The following IP6K1 variants were observed in gnomAD, a reference collection of about 807,000 sequenced individuals.
The protein encoded by IP6K1 is ATP:1D-myo-inositol-hexakisphosphate phosphotransferase.
IP6K1 carries 13 observed loss-of-function variants against 38.3 expected under a neutral mutation model. The ratio of observed to expected loss-of-function variants is 0.34; its 90% CI spans 0.22 to 0.54. IP6K1 has a LOEUF of 0.54. IP6K1 is among the 20% of genes least tolerant of loss of function. The probability of loss-of-function intolerance (pLI) is 0.92; values close to 1 mark genes in which losing one functional copy is unlikely to be tolerated. For missense variants in IP6K1, 397 were observed against 599.8 expected (o/e 0.66, Z 3.53); for synonymous variants, 212 against 229.9 (o/e 0.92, Z 0.70).
chr3:49,779,679 C>T (rs2081048642), intron 1 of IP6K1, among the ~76,000 whole-genome samples: 1 of 151,948 alleles, frequency 6.6e-6, no homozygotes, highest in Non-Finnish European at 1.5e-5. Flanking sequence ...AATCATAATA[C>T]ACCCAAATTT....
chr3:49,780,306 T>TCTCACACACACACACACACA (rs2081053531), intron 1 of IP6K1, among the ~76,000 whole-genome samples: 1 of 10,852 alleles, frequency 9.2e-5, no homozygotes. Context: ...TTATCATCTT[T>TCTCACACACACACACACACA]CATACACACA....
intron 3 of IP6K1, among the ~76,000 whole-genome samples, chr3:49,736,770 ATT>A (rs71080546): frequency 2.0e-3 from 216 of 108,772 alleles, no homozygotes; most frequent in Middle Eastern, 4.9e-3. Flanking sequence ...TTTGGATTTA[ATT>A]TTTTTTTTTT....
At chr3:49,758,066 T>C (rs2080839509) in intron 1 of IP6K1, among the ~76,000 whole-genome samples, 1 of 152,044 alleles carries the variant, frequency 6.6e-6, no homozygotes, top group East Asian at 1.9e-4. Context: ...TCCCAGCACT[T>C]TGGGAGGCCG....
chr3:49,751,012 G>C (rs1368221552), intron 1 of IP6K1, among the ~76,000 whole-genome samples: 3 of 152,174 alleles, frequency 2.0e-5, no homozygotes, highest in Non-Finnish European at 4.4e-5. Flanking sequence ...ACAAGGTGTG[G>C]ATGGAGCCTC....
At chr3:49,755,666 T>A (rs898351999) in intron 1 of IP6K1, among the ~76,000 whole-genome samples, 2 of 152,188 alleles carry the variant, frequency 1.3e-5, no homozygotes, top group African/African-American at 4.8e-5. Context: ...GCTATACAGC[T>A]CTGGATTTTA....
chr3:49,754,760 G>T (rs1015333305), intron 1 of IP6K1, among the ~76,000 whole-genome samples: 2 of 152,092 alleles, frequency 1.3e-5, no homozygotes. Flanking sequence ...TACAGCAATT[G>T]CAAGACAATA....
At chr3:49,783,438 T>A (rs551776759) in intron 1 of IP6K1, among the ~76,000 whole-genome samples, 1 of 150,846 alleles carries the variant, frequency 6.6e-6, no homozygotes, top group South Asian at 2.1e-4. Context: ...TTTTGCTGGG[T>A]GCAGTAGCTC....
chr3:49,727,276 G>A lies in IP6K1; in HGVS notation c.1172C>T (p.Pro391Leu). The A allele has an allele frequency of 6.2e-7, 1 of 1,614,152 alleles. No individual in the cohort carries two copies. Among genetic ancestry groups the A allele is most frequent in the Non-Finnish European group, 8.5e-7 (1 of 1,180,040 alleles). ...TSPEAGPSSQ[P>L]KVDVRMIDFA... The stretch of plus-strand genomic sequence containing the variant: ...GTCAATCATGCGGACATCCACCTTG[G>A]GCTGAGAGGAGGGACCCGCCTCGGG... Residue 391 changes from proline (P) to leucine (L), a missense_variant, in exon 6 of 6, where the codon CCC becomes CTC. Physicochemically the swap from Pro to Leu is moderately conservative, Grantham distance 98. Coordinates refer to ENST00000321599, the MANE Select transcript of IP6K1 (RefSeq NM_153273.4). The surrounding 1 kb of genome is among the most constrained non-coding windows in gnomAD (Gnocchi z 5.9).
chr3:49,750,540 CA>C (rs1023671717), intron 1 of IP6K1, among the ~76,000 whole-genome samples: 7 of 150,344 alleles, frequency 4.7e-5, no homozygotes, highest in African/African-American at 1.7e-4. Context: ...TCTAAAAATA[CA>C]AAAAAAAAGG....
rs915679416 is a variant in IP6K1, at chr3:49,732,722, C to G, written c.616+69G>C. 91 of 1,331,684 alleles carry G rather than the reference C, an allele frequency of 6.8e-5. No individual in the cohort carries two copies. The African/African-American group carries it at 1.1e-3, about 16-fold the overall frequency. The allele number at this position is 1,331,684 out of a possible 1,614,324, so 82.5% of individuals were successfully genotyped here. On this transcript the variant is annotated intron_variant, in intron 4 of 5. Coordinates refer to ENST00000321599, the MANE Select transcript of IP6K1 (RefSeq NM_153273.4). ...CCTAGACAAAGACCTCAGCCATAGG[C>G]AGAATGGTGCCCCAACACACGACCT...
chr3:49,778,903 G>C (rs534643984), intron 1 of IP6K1, among the ~76,000 whole-genome samples: 1 of 152,254 alleles, frequency 6.6e-6, no homozygotes, highest in East Asian at 1.9e-4. Flanking sequence ...AGGATTACGG[G>C]GATGAGCCAC....
In IP6K1 at chr3:49,726,449, T is replaced by TGG. The variant is rs1441828016; in HGVS notation, c.*672_*673insCC. 6.6e-6 allele frequency: 1 copy of TGG among 152,400 alleles called. No individual in the cohort carries two copies. Among genetic ancestry groups the TGG allele is most frequent in the Non-Finnish European group, 1.5e-5 (1 of 68,042 alleles). The allele number at this position is 152,400 out of a possible 1,614,324, so 9.4% of individuals were successfully genotyped here. ...AAGGGAACTTGGTGAGAGAGGCTGT[T>TGG]TCAGGAATAGGACAGGTGCCAACCT... On this transcript the variant is annotated 3_prime_UTR_variant, in exon 6 of 6. Transcript: ENST00000321599.
chr3:49,773,641 T>C (rs2080978815), intron 1 of IP6K1, among the ~76,000 whole-genome samples: 1 of 152,114 alleles, frequency 6.6e-6, no homozygotes, highest in East Asian at 1.9e-4. Flanking sequence ...ATAAAAAAGA[T>C]AGCCACATAT....
intron 1 of IP6K1, among the ~76,000 whole-genome samples, chr3:49,774,769 G>T (rs1342521986): frequency 6.6e-6 from 1 of 152,072 alleles, no homozygotes; most frequent in Non-Finnish European, 1.5e-5. Context: ...CATTATTGAT[G>T]GTAATTATGT....
chr3:49,781,642 G>A (rs1199921722), intron 1 of IP6K1, among the ~76,000 whole-genome samples: 1 of 152,116 alleles, frequency 6.6e-6, no homozygotes, highest in African/African-American at 2.4e-5. Context: ...TGGTTAGTGG[G>A]GATTAGGATA....
chr3:49,728,899 G>A (rs1028357927), intron 4 of IP6K1, among the ~76,000 whole-genome samples: 1 of 151,292 alleles, frequency 6.6e-6, no homozygotes, highest in Admixed American at 6.6e-5. Context: ...TTCCCAAAAT[G>A]AAAAGAGATC....
At chr3:49,728,312 T>C in intron 4 of IP6K1, 34 bp from the exon 5 acceptor site, 1 of 1,600,324 alleles carries the variant, frequency 6.2e-7, no homozygotes, top group Non-Finnish European at 8.6e-7. Flanking sequence ...ACAACCACAC[T>C]CACCATCAGC....
chr3:49,781,260 AC>A (rs2081062908), intron 1 of IP6K1, among the ~76,000 whole-genome samples: 1 of 152,162 alleles, frequency 6.6e-6, no homozygotes, highest in African/African-American at 2.4e-5. Flanking sequence ...ACAGAGTTTC[AC>A]CATGTTGGCT....
Position 49,727,049 on chromosome 3 carries a change from C to A in IP6K1, c.*73G>T. 1 of 1,426,716 alleles carries A rather than the reference C, an allele frequency of 7.0e-7. No individual in the cohort carries two copies. The highest frequency in any genetic ancestry group is 9.5e-7 in the Non-Finnish European group (1 of 1,053,160). 88.4% of individuals were successfully genotyped at this position (1,426,716 alleles called of 1,614,324 possible). A position where few individuals can be genotyped will look rare whatever the true frequency, so the allele number is the denominator to read the frequency against. On this transcript the variant is annotated 3_prime_UTR_variant, in exon 6 of 6. Coordinates refer to ENST00000321599, the MANE Select transcript of IP6K1 (RefSeq NM_153273.4). This position sits in a 1 kb window ranked among gnomAD's most constrained non-coding sequence, Gnocchi z 5.9. Reference sequence around the variant, plus strand: ...CCCTTTAAAAGCAAGTCTGTGTGTCCTCACGGCAAGTTCAGAACAATGGTC... The same window carrying A: ...CCCTTTAAAAGCAAGTCTGTGTGTCATCACGGCAAGTTCAGAACAATGGTC...
Sources: gnomAD v4.1 joint callset for allele counts (sites outside exome capture counted in the v4.1 genomes callset) on GRCh38, gnomAD v4.1.1 for gene constraint, Gnocchi (gnomAD v3.1) non-coding constraint, MANE v1.5 for transcripts, NCBI Gene and HGNC (gene_info 2026-07-23, HGNC 2026-07-21) for gene names.